INPP4B: variants seen among roughly 807,000 people sequenced by gnomAD.
INPP4B encodes inositol polyphosphate 4-phosphatase type II.
Under a neutral mutation model 122.5 loss-of-function variants are expected in INPP4B, and 55 were observed. The observed-to-expected ratio is 0.45, with a 90% CI of 0.36 to 0.56. The LOEUF (loss-of-function observed/expected upper bound fraction) is 0.56. Ranked by LOEUF, INPP4B falls within the 20% of genes least tolerant of loss-of-function variation. The probability of loss-of-function intolerance (pLI) is 0.00; values close to 1 mark genes in which losing one functional copy is unlikely to be tolerated. For missense variants in INPP4B, 1,000 were observed against 1,097.7 expected (o/e 0.91, Z 1.26); for synonymous variants, 403 against 388.7 (o/e 1.04, Z -0.43).
At chr4:142,522,715 A>T (rs1259512556) in intron 2 of INPP4B, among the ~76,000 whole-genome samples, 1 of 152,068 alleles carries the variant, frequency 6.6e-6, no homozygotes, top group East Asian at 1.9e-4. Flanking sequence ...TAGGTTGGAC[A>T]CAATAAGAAC....
intron 2 of INPP4B, among the ~76,000 whole-genome samples, chr4:142,714,853 T>C (rs1380602311): frequency 6.6e-6 from 1 of 152,288 alleles, no homozygotes; most frequent in East Asian, 1.9e-4. Flanking sequence ...GATATCTGGG[T>C]TATCTTCTGG....
chr4:142,197,252 C>T (rs1156367853), intron 14 of INPP4B, among the ~76,000 whole-genome samples: 1 of 151,450 alleles, frequency 6.6e-6, no homozygotes, highest in Non-Finnish European at 1.5e-5. Context: ...TGTCCAGTTA[C>T]AACAGCAATT....
intron 7 of INPP4B, among the ~76,000 whole-genome samples, chr4:142,319,371 A>G (rs1240530503): frequency 3.9e-5 from 6 of 152,246 alleles, no homozygotes; most frequent in Admixed American, 1.3e-4. Flanking sequence ...AAGAAAAAAG[A>G]AAGTGTTACT....
At chr4:142,582,083 C>T (rs1382904028) in intron 2 of INPP4B, among the ~76,000 whole-genome samples, 1 of 151,916 alleles carries the variant, frequency 6.6e-6, no homozygotes, top group Non-Finnish European at 1.5e-5. Context: ...TCTTCCCAAA[C>T]ACATTACACC....
chr4:142,676,089 T>G (rs1757722618), intron 2 of INPP4B, among the ~76,000 whole-genome samples: 1 of 152,154 alleles, frequency 6.6e-6, no homozygotes, highest in Non-Finnish European at 1.5e-5. Context: ...ATTGTATATT[T>G]ATAAAACCCC....
chr4:142,584,779 T>C (rs1372810745), intron 2 of INPP4B, among the ~76,000 whole-genome samples: 1 of 152,124 alleles, frequency 6.6e-6, no homozygotes, highest in Non-Finnish European at 1.5e-5. Context: ...AGTCAGTAAG[T>C]GCAGACCATA....
At chr4:142,647,044 TA>T (rs1335252518) in intron 2 of INPP4B, among the ~76,000 whole-genome samples, 1 of 152,176 alleles carries the variant, frequency 6.6e-6, no homozygotes, top group African/African-American at 2.4e-5. Context: ...AATTTTTGTA[TA>T]GGGGAAAATC....
intron 8 of INPP4B, chr4:142,305,766 A>T: frequency 2.2e-6 from 3 of 1,344,276 alleles, no homozygotes; most frequent in Non-Finnish European, 2.9e-6. Flanking sequence ...CCAACAGGCT[A>T]GAAAATAACA....
At chr4:142,353,361 GAA>G (rs1441873315) in intron 7 of INPP4B, among the ~76,000 whole-genome samples, 1 of 151,934 alleles carries the variant, frequency 6.6e-6, no homozygotes, top group Admixed American at 6.6e-5. Flanking sequence ...GCTAAGTCAA[GAA>G]AAGAGGAAAA....
intron 8 of INPP4B, among the ~76,000 whole-genome samples, chr4:142,314,042 C>T (rs1424884342): frequency 6.6e-6 from 1 of 152,190 alleles, no homozygotes; most frequent in East Asian, 1.9e-4. Flanking sequence ...GGCTCAGCCC[C>T]AGGGCTTCTT....
intron 2 of INPP4B, among the ~76,000 whole-genome samples, chr4:142,646,133 T>G (rs1469808462): frequency 2.0e-5 from 3 of 152,224 alleles, no homozygotes; most frequent in African/African-American, 2.4e-5. Context: ...CATAGTTATA[T>G]GAGTATATAC....
At chr4:142,333,030 A>AC (rs1775278940) in intron 7 of INPP4B, among the ~76,000 whole-genome samples, 5 of 150,060 alleles carry the variant, frequency 3.3e-5, no homozygotes, top group Admixed American at 6.6e-5. Flanking sequence ...AAAAAAAACA[A>AC]AAAAAAAACC....
intron 24 of INPP4B, among the ~76,000 whole-genome samples, chr4:142,082,829 TA>T (rs1300765073): frequency 2.0e-5 from 3 of 152,172 alleles, no homozygotes; most frequent in Admixed American, 2.0e-4. Flanking sequence ...TTGCTCTTTT[TA>T]ATAAACTTCA....
intron 25 of INPP4B, among the ~76,000 whole-genome samples, chr4:142,049,562 CTG>C (rs1464373390): frequency 2.6e-5 from 4 of 151,782 alleles, no homozygotes; most frequent in Non-Finnish European, 5.9e-5. Flanking sequence ...TTATCTATGA[CTG>C]TATAGGTTAA....
chr4:142,363,444 T>C (rs1166798562), intron 7 of INPP4B, among the ~76,000 whole-genome samples: 1 of 151,972 alleles, frequency 6.6e-6, no homozygotes, highest in East Asian at 1.9e-4. Flanking sequence ...TTTATATATA[T>C]GTATGCTCAG....
intron 6 of INPP4B, 44 bp downstream of exon 6, chr4:142,405,158 CAAGA>C (rs1562026486): frequency 2.4e-6 from 2 of 819,666 alleles, no homozygotes; most frequent in Admixed American, 2.8e-5. Context: ...AGCGAGCCAG[CAAGA>C]GAGAGAGAGA....
At chr4:142,355,502 A>G (rs566543236) in intron 7 of INPP4B, among the ~76,000 whole-genome samples, 1 of 152,184 alleles carries the variant, frequency 6.6e-6, no homozygotes, top group East Asian at 1.9e-4. Flanking sequence ...TACAATTTCT[A>G]CATCATAACT....
At chr4:142,466,402 CTT>C (rs1817790001) in intron 2 of INPP4B, among the ~76,000 whole-genome samples, 4 of 152,150 alleles carry the variant, frequency 2.6e-5, no homozygotes. Flanking sequence ...AGACTGATGA[CTT>C]AGGGTATCTG....
chr4:142,759,623 A>T (rs1249157045), intron 1 of INPP4B, among the ~76,000 whole-genome samples: 1 of 151,926 alleles, frequency 6.6e-6, no homozygotes, highest in Non-Finnish European at 1.5e-5. Context: ...TTCTGCTACT[A>T]AGTTCTAAAA....
Sources: allele counts gnomAD v4.1 joint callset (sites outside exome capture counted in the v4.1 genomes callset), GRCh38; gene constraint gnomAD v4.1.1; transcripts MANE v1.5; gene names NCBI Gene and HGNC (gene_info 2026-07-23, HGNC 2026-07-21).